The following PKP4 variants were observed in gnomAD, a reference collection of about 807,000 sequenced individuals.
PKP4 encodes plakophilin 4, also known as plakophilin-4.
A neutral mutation model predicts 145.1 loss-of-function variants in PKP4; 90 were observed. The ratio of observed to expected loss-of-function variants is 0.62; its 90% CI spans 0.52 to 0.74. The LOEUF is 0.74. Among genes scored for constraint, PKP4 ranks in the 30% least tolerant of loss-of-function variants. PKP4 has a pLI of 0.00. For missense variants in PKP4, 1,340 were observed against 1,482.7 expected (o/e 0.90, Z 1.58); for synonymous variants, 563 against 577.2 (o/e 0.98, Z 0.35).
intron 4 of PKP4, among the ~76,000 whole-genome samples, chr2:158,607,545 C>G (rs2050757039): frequency 6.6e-6 from 1 of 152,074 alleles, no homozygotes; most frequent in African/African-American, 2.4e-5. Flanking sequence ...ATGGTTTTGT[C>G]AGTGTCCTAG....
chr2:158,485,896 A>G (rs1186520677), intron 1 of PKP4, among the ~76,000 whole-genome samples: 1 of 152,216 alleles, frequency 6.6e-6, no homozygotes, highest in African/African-American at 2.4e-5. Context: ...ATGTAATCTA[A>G]TTAAGGTTAT....
intron 8 of PKP4, among the ~76,000 whole-genome samples, chr2:158,632,257 T>C (rs1220197060): frequency 2.0e-5 from 3 of 152,256 alleles, no homozygotes; most frequent in Non-Finnish European, 2.9e-5. Flanking sequence ...GAAAGCCTTG[T>C]TGGAATATTT....
rs1226000335 is a variant in PKP4 at position 158,625,175 on chromosome 2, G to A, written c.901G>A (p.Gly301Arg). The A allele has an allele frequency of 1.9e-6, 3 of 1,614,062 alleles. No homozygotes were observed. The highest frequency in any genetic ancestry group is 1.7e-5 in the Admixed American group (1 of 60,006). ...CTCCCGGCAGACCTCCAATCCCAAC[G>A]GACCAACCCCTCAATACCAAACCAC... ...VTSRQTSNPN[G>R]PTPQYQTTAR... Residue 301 changes from glycine to arginine, a missense_variant, in exon 7 of 22, where the codon GGA becomes AGA. Coordinates refer to ENST00000389759, the MANE Select transcript of PKP4 (RefSeq NM_003628.6).
intron 1 of PKP4, among the ~76,000 whole-genome samples, chr2:158,485,444 C>T (rs1694028051): frequency 6.6e-6 from 1 of 152,190 alleles, no homozygotes; most frequent in South Asian, 2.1e-4. Context: ...ATGAGATTGG[C>T]TCTCCATGTA....
chr2:158,458,251 C>G (rs754752009), intron 1 of PKP4: 7 of 153,024 alleles, frequency 4.6e-5, no homozygotes, highest in Non-Finnish European at 1.0e-4. Flanking sequence ...GCCCTAGCGC[C>G]TTCCCTCCCC....
At chr2:158,567,693 A>G (rs751989572) in intron 2 of PKP4, among the ~76,000 whole-genome samples, 7 of 152,234 alleles carry the variant, frequency 4.6e-5, no homozygotes, top group Non-Finnish European at 7.3e-5. Flanking sequence ...ATTGGTGAGT[A>G]GTATTGAACG....
chr2:158,505,466 C>T (rs2040882333), intron 1 of PKP4, among the ~76,000 whole-genome samples: 1 of 152,172 alleles, frequency 6.6e-6, no homozygotes, highest in African/African-American at 2.4e-5. Context: ...CAGGGCTTCT[C>T]CGAGGCCCAG....
intron 1 of PKP4, among the ~76,000 whole-genome samples, chr2:158,497,073 T>C (rs1330835792): frequency 6.6e-6 from 1 of 152,140 alleles, no homozygotes; most frequent in Admixed American, 6.5e-5. Context: ...ATTCTTCAGC[T>C]CTAGGAACTT....
rs530419235 is a variant in PKP4, at chr2:158,549,988, C to T, written c.132+16672C>T. Among the ~76,000 whole-genome samples the T allele has an allele frequency of 4.1e-5, 6 of 145,896 alleles. No individual in the cohort carries two copies. In the South Asian group the frequency reaches 6.4e-4, roughly 16 times the overall value. The stretch of plus-strand genomic sequence containing the variant: ...GTAATATTTTATCTCATAGCAGTGT[C>T]GCTAATGGGAGTAGTATTGTCCAAC... On this transcript the variant is annotated intron_variant, in intron 2 of 21. Transcript: ENST00000389759.
chr2:158,595,733 CTTAG>C (rs2049671278), intron 3 of PKP4, among the ~76,000 whole-genome samples: 2 of 151,976 alleles, frequency 1.3e-5, no homozygotes, highest in South Asian at 4.1e-4. Flanking sequence ...ATGTGTTAAA[CTTAG>C]TTAAGGTAGT....
intron 7 of PKP4, 81 bp from the exon 8 acceptor site, chr2:158,631,672 T>G: frequency 8.2e-7 from 1 of 1,213,610 alleles, no homozygotes; most frequent in Non-Finnish European, 1.2e-6. Context: ...ATTACAGGGG[T>G]TAGGAATTTA....
At chr2:158,676,604 TGA>T (rs2058031363) in intron 19 of PKP4, 133 bp from the exon 20 acceptor site, 1 of 1,064,424 alleles carries the variant, frequency 9.4e-7, no homozygotes, top group Non-Finnish European at 1.4e-6. Context: ...CCAGCACCTC[TGA>T]GATATTTTCA....
intron 1 of PKP4, among the ~76,000 whole-genome samples, chr2:158,483,319 G>C (rs1259409814): frequency 6.8e-6 from 1 of 148,064 alleles, no homozygotes; most frequent in African/African-American, 2.5e-5. Flanking sequence ...TGATCTTTCT[G>C]TAATTTTTCT....
At chr2:158,473,248 G>C (rs1227676703) in intron 1 of PKP4, among the ~76,000 whole-genome samples, 1 of 152,188 alleles carries the variant, frequency 6.6e-6, no homozygotes, top group Non-Finnish European at 1.5e-5. Flanking sequence ...AAAGCAGTAT[G>C]GTGATTCCTC....
At chr2:158,651,228 G>A (rs2055333746) in intron 11 of PKP4, among the ~76,000 whole-genome samples, 1 of 152,086 alleles carries the variant, frequency 6.6e-6, no homozygotes, top group Non-Finnish European at 1.5e-5. Flanking sequence ...TTATGGCACT[G>A]ATTCTCCCCA....
intron 4 of PKP4, among the ~76,000 whole-genome samples, chr2:158,617,851 A>G (rs1448838512): frequency 2.0e-5 from 3 of 152,224 alleles, no homozygotes; most frequent in Admixed American, 2.0e-4. Flanking sequence ...CTCTGCAGCT[A>G]TTCTTCATTA....
intron 11 of PKP4, among the ~76,000 whole-genome samples, chr2:158,647,131 C>G (rs1258533704): frequency 6.6e-6 from 1 of 152,196 alleles, no homozygotes. Flanking sequence ...AGGTGCCCAT[C>G]TCCTATAAAG....
chr2:158,509,839 C>T (rs531710717), intron 1 of PKP4, among the ~76,000 whole-genome samples: 1 of 151,312 alleles, frequency 6.6e-6, no homozygotes, highest in East Asian at 2.0e-4. Flanking sequence ...CCCAGCTACT[C>T]GGGAGGCTGA....
Position 158,621,278 on chromosome 2 carries a change from G to C in PKP4, c.460G>C (p.Asp154His). ...TTCAACACAAATGAATTCTTATTCCGACAGTGGATACCAGGAAGCAGGGAG... is the reference window on the plus strand; with the variant it reads ...TTCAACACAAATGAATTCTTATTCCCACAGTGGATACCAGGAAGCAGGGAG... Reference protein sequence around the residue: ...RSSTQMNSYSDSGYQEAGSFH... With the variant: ...RSSTQMNSYSHSGYQEAGSFH... The change falls in exon 6 of 22, where the codon GAC becomes CAC. Residue 154 changes from aspartate (D) to histidine (H), a missense_variant. Physicochemically the swap from Asp to His is moderately conservative, Grantham distance 81. Transcript: ENST00000389759. 6.2e-7 allele frequency: 1 copy of C among 1,614,082 alleles called. No homozygotes were observed. Among genetic ancestry groups the C allele is most frequent in the Non-Finnish European group, 8.5e-7 (1 of 1,180,010 alleles).
Sources: allele counts gnomAD v4.1 joint callset (sites outside exome capture counted in the v4.1 genomes callset), GRCh38; gene constraint gnomAD v4.1.1; transcripts MANE v1.5; gene names NCBI Gene and HGNC (gene_info 2026-07-23, HGNC 2026-07-21).